THSD7B: variants seen among roughly 807,000 people sequenced by gnomAD.
The protein encoded by THSD7B is thrombospondin type 1 domain containing 7B.
Under a neutral mutation model 213.6 loss-of-function variants are expected in THSD7B, and 138 were observed. The ratio of observed to expected loss-of-function variants is 0.65; its 90% CI spans 0.56 to 0.74. The LOEUF (loss-of-function observed/expected upper bound fraction) is 0.74. THSD7B is among the 30% of genes least tolerant of loss of function. THSD7B has a pLI of 0.00. For missense variants in THSD7B, 1,931 were observed against 1,991.5 expected, an observed-to-expected ratio of 0.97 and a Z score of 0.58; for synonymous variants, 742 against 687.0, an observed-to-expected ratio of 1.08 and a Z score of -1.25.
At chr2:137,029,179 A>G (rs1686612927) in intron 2 of THSD7B, among the ~76,000 whole-genome samples, 1 of 151,004 alleles carries the variant, frequency 6.6e-6, no homozygotes, top group African/African-American at 2.4e-5. Flanking sequence ...CCTTGGTTCA[A>G]GCAATTCTCC....
rs376800552 is a variant in THSD7B at position 137,434,742 on chromosome 2, A to G, written c.2960-16103A>G. On this transcript the variant is annotated intron_variant, in intron 14 of 27. Transcript: ENST00000409968. ...TTCAGGCTACAGTGATAGTTCCTCA[A>G]TTTCTACGGTTATTTTCTCCTTATG... 9.2e-5 allele frequency among the ~76,000 whole-genome samples: 14 copies of G among 152,144 alleles called. 1 individual carries two copies. In the South Asian group the frequency reaches 1.5e-3, roughly 16 times the overall value.
chr2:137,521,068 C>T lies in THSD7B; in HGVS notation c.3139-42153C>T, dbSNP rs555673054. Reference sequence around the variant, plus strand: ...TGTTTTTGCTGCTTGGTAGTATCACCGGAGCAGGTGTAAAATTGCTATAGA... The same window carrying T: ...TGTTTTTGCTGCTTGGTAGTATCACTGGAGCAGGTGTAAAATTGCTATAGA... On this transcript the variant is annotated intron_variant, in intron 15 of 27. Transcript: ENST00000409968. Among the ~76,000 whole-genome samples, 10 of 152,096 alleles carry T rather than the reference C, an allele frequency of 6.6e-5. 1 individual carries two copies. The South Asian group carries it at 1.7e-3, about 25-fold the overall frequency.
At chr2:136,954,994 A>G (rs1405150436) in intron 2 of THSD7B, among the ~76,000 whole-genome samples, 1 of 152,084 alleles carries the variant, frequency 6.6e-6, no homozygotes, top group African/African-American at 2.4e-5. Context: ...TTTTATCTGT[A>G]GACAGTAATC....
chr2:137,358,698 C>T (rs1044194465), intron 12 of THSD7B, among the ~76,000 whole-genome samples: 1 of 152,188 alleles, frequency 6.6e-6, no homozygotes, highest in African/African-American at 2.4e-5. Flanking sequence ...TGAGGAGCCA[C>T]TTGCAGTCTC....
chr2:137,059,956 C>A (rs553902303), intron 3 of THSD7B, among the ~76,000 whole-genome samples: 1 of 152,160 alleles, frequency 6.6e-6, no homozygotes, highest in Admixed American at 6.6e-5. Context: ...GCCCAGCTGT[C>A]TTCCAGAATG....
intron 14 of THSD7B, among the ~76,000 whole-genome samples, chr2:137,429,434 GTAT>G (rs1261740415): frequency 2.0e-5 from 3 of 152,068 alleles, no homozygotes; most frequent in Admixed American, 6.5e-5. Flanking sequence ...GTATATACAC[GTAT>G]TATTTATGTG....
chr2:136,796,490 C>G (rs1446739592), intron 1 of THSD7B, among the ~76,000 whole-genome samples: 1 of 151,946 alleles, frequency 6.6e-6, no homozygotes, highest in Non-Finnish European at 1.5e-5. Context: ...CAAAACTAGA[C>G]TAGCTCTACC....
At chr2:137,093,943 A>G (rs1020729452) in intron 3 of THSD7B, among the ~76,000 whole-genome samples, 3 of 152,080 alleles carry the variant, frequency 2.0e-5, no homozygotes, top group African/African-American at 7.2e-5. Context: ...TCCTAATTAG[A>G]CTGTTGGTGC....
intron 2 of THSD7B, among the ~76,000 whole-genome samples, chr2:137,054,371 T>C (rs1338758758): frequency 1.3e-5 from 2 of 152,224 alleles, no homozygotes; most frequent in Admixed American, 1.3e-4. Flanking sequence ...ATTGACATGC[T>C]ATTGCCAAGA....
At chr2:137,365,798 G>A (rs565976345) in intron 12 of THSD7B, among the ~76,000 whole-genome samples, 25 of 152,328 alleles carry the variant, frequency 1.6e-4, no homozygotes, top group African/African-American at 5.8e-4. Context: ...TGGTGGGACT[G>A]TAAACTAGTT....
At chr2:137,432,832 T>G (rs1282507202) in intron 14 of THSD7B, among the ~76,000 whole-genome samples, 1 of 152,184 alleles carries the variant, frequency 6.6e-6, no homozygotes, top group Admixed American at 6.5e-5. Context: ...AGCCTTTTCC[T>G]CAACTTCACC....
chr2:137,337,023 A>G (rs1684653378), intron 12 of THSD7B, among the ~76,000 whole-genome samples: 1 of 151,768 alleles, frequency 6.6e-6, no homozygotes, highest in South Asian at 2.1e-4. Context: ...TGTTGTTAAC[A>G]TCTTATGTGA....
intron 2 of THSD7B, among the ~76,000 whole-genome samples, chr2:136,979,865 G>A (rs189573093): frequency 1.3e-5 from 2 of 152,174 alleles, no homozygotes; most frequent in Admixed American, 1.3e-4. Flanking sequence ...TTAATTTTCA[G>A]CGTGTTTGCA....
intron 2 of THSD7B, among the ~76,000 whole-genome samples, chr2:137,038,337 C>T (rs115709600): frequency 2.0e-5 from 3 of 152,228 alleles, no homozygotes; most frequent in Non-Finnish European, 2.9e-5. Context: ...TAAATGGTCA[C>T]ATTTAAACCT....
intron 17 of THSD7B, among the ~76,000 whole-genome samples, chr2:137,602,546 G>C (rs1682095241): frequency 6.6e-6 from 1 of 152,126 alleles, no homozygotes; most frequent in Admixed American, 6.6e-5. Flanking sequence ...GGGATTACAG[G>C]CGTGAGCCAC....
At chr2:136,906,752 G>C (rs1044288849) in intron 2 of THSD7B, among the ~76,000 whole-genome samples, 1 of 151,850 alleles carries the variant, frequency 6.6e-6, no homozygotes, top group Non-Finnish European at 1.5e-5. Context: ...CTTTTTAGTG[G>C]TCCTTTGAGT....
chr2:137,653,879 C>T (rs890723354), intron 21 of THSD7B, among the ~76,000 whole-genome samples: 3 of 151,892 alleles, frequency 2.0e-5, no homozygotes, highest in Non-Finnish European at 4.4e-5. Context: ...AATTCTAGCT[C>T]AGAGAGCTCA....
chr2:136,956,987 A>G (rs1200171102), intron 2 of THSD7B, among the ~76,000 whole-genome samples: 3 of 151,962 alleles, frequency 2.0e-5, no homozygotes, highest in African/African-American at 7.3e-5. Context: ...CCCCATAAGA[A>G]TTTTATTAGG....
At chr2:137,332,002 C>G (rs1342212406) in intron 12 of THSD7B, among the ~76,000 whole-genome samples, 1 of 152,206 alleles carries the variant, frequency 6.6e-6, no homozygotes, top group East Asian at 1.9e-4. Context: ...CCACACCTCC[C>G]TGCAAGCTGA....
Sources: gnomAD v4.1 joint callset for allele counts (sites outside exome capture counted in the v4.1 genomes callset) on GRCh38, gnomAD v4.1.1 for gene constraint, MANE v1.5 for transcripts, NCBI Gene and HGNC (gene_info 2026-07-23, HGNC 2026-07-21) for gene names.